The following TBX2 variants were observed in gnomAD, a reference collection of about 807,000 sequenced individuals.
TBX2 encodes T-box transcription factor 2.
Under a neutral mutation model 48.4 loss-of-function variants are expected in TBX2, and 19 were observed. That is an observed-to-expected ratio of 0.39 (90% CI 0.27 to 0.58). The LOEUF is 0.58. Ranked by LOEUF, TBX2 falls within the 20% of genes least tolerant of loss-of-function variation. TBX2 has a pLI of 0.54. For synonymous variants in TBX2, 522 were observed against 459.7 expected (o/e 1.14, Z -1.73); for missense variants, 994 against 1,006.5 (o/e 0.99, Z 0.17).
rs141022651 is a variant in TBX2 at position 61,406,393 on chromosome 17, G to C, written c.1686+557G>C. The C allele has an allele frequency of 1.3e-5, 2 of 152,234 alleles. No individual in the cohort carries two copies. The highest frequency in any genetic ancestry group is 4.8e-5 in the African/African-American group (2 of 41,404). The allele number at this position is 152,234 out of a possible 1,614,324, so 9.4% of individuals were successfully genotyped here. A position where few individuals can be genotyped will look rare whatever the true frequency, so the allele number is the denominator to read the frequency against. The stretch of plus-strand genomic sequence containing the variant: ...GTCCTCTGTCCTGGTGAAGGACAAG[G>C]CTGGTCTTTCCCCTACCTTGAGTTC... On this transcript the variant is annotated intron_variant, in intron 6 of 6. Transcript: ENST00000240328. The surrounding 1 kb of genome is among the most constrained non-coding windows in gnomAD (Gnocchi z 5.7).
chr17:61,404,939 G>A (rs8080990), intron 5 of TBX2, 170 bp downstream of exon 5: 2 of 1,253,672 alleles, frequency 1.6e-6, no homozygotes, highest in Admixed American at 2.0e-5. Flanking sequence ...GGCGGTCCCC[G>A]GTAGCCAGAA....
In TBX2 at chr17:61,401,859, G is replaced by C. The variant is rs1473859474; in HGVS notation, c.571G>C (p.Asp191His). The C allele has an allele frequency of 1.2e-6, 2 of 1,612,934 alleles. No individual in the cohort carries two copies. The highest frequency in any genetic ancestry group is 1.7e-6 in the Non-Finnish European group (2 of 1,180,032). ...GCCCAAACGCATGTACATCCACCCA[G>C]ACAGCCCAGCCACGGGGGAGCAGTG... is the stretch of plus-strand genomic sequence containing the variant. ...EMPKRMYIHP[D>H]SPATGEQWMA... Residue 191 changes from aspartate (D) to histidine (H), a missense_variant, in exon 2 of 7, where the codon GAC becomes CAC. Asp to His is a moderately conservative substitution (Grantham distance 81). Transcript: ENST00000240328.
rs761134753 is a variant in TBX2 at position 61,408,503 on chromosome 17, G to C, written c.2136G>C (p.Lys712Asn). Residue 712 changes from lysine to asparagine, a missense_variant, in exon 7 of 7, where the codon AAG (lysine) becomes AAC (asparagine). This residue lies in a region of TBX2 where 639 missense variants were observed against 613.2 expected (regional missense o/e 1.04). Transcript: ENST00000240328. ...RALSPGRESP[K>N] ...TCTCCCCAGGCCGGGAGTCGCCCAA[G>C]TGAGGGGCTGCCCAGCTGCTCCCCT... is the stretch of plus-strand genomic sequence containing the variant. 117 of 1,440,784 alleles carry C rather than the reference G, an allele frequency of 8.1e-5. No homozygotes were observed. The highest frequency in any genetic ancestry group is 7.8e-5 in the Non-Finnish European group (86 of 1,097,444). The allele number at this position is 1,440,784 out of a possible 1,614,324, so 89.2% of individuals were successfully genotyped here.
chr17:61,403,404 G>A lies in TBX2; in HGVS notation c.810+197G>A, dbSNP rs916644330. On this transcript the variant is annotated intron_variant, in intron 3 of 6. Coordinates refer to ENST00000240328, the MANE Select transcript of TBX2 (RefSeq NM_005994.4). This position sits in a 1 kb window ranked among gnomAD's most constrained non-coding sequence, Gnocchi z 5.8. ...CAAGGCGCCCTCTCAATCCCACCGC[G>A]CGCACACACAGGCTCCCCTGGGGCG... is the stretch of plus-strand genomic sequence containing the variant. Among the ~76,000 whole-genome samples, 1 of 152,262 alleles carries A rather than the reference G, an allele frequency of 6.6e-6. No homozygotes were observed. The highest frequency in any genetic ancestry group is 2.4e-5 in the African/African-American group (1 of 41,478).
chr17:61,407,140 C>T (rs563624078), intron 6 of TBX2: 1 of 152,348 alleles, frequency 6.6e-6, no homozygotes, highest in South Asian at 2.1e-4. Flanking sequence ...CCCAAGAGAA[C>T]TGAAGCCTCC....
rs1384423721 is a variant in TBX2, at chr17:61,403,342, G to A, written c.810+135G>A. ...CTTGCGGCCCGCCCCCGAGCACCGA[G>A]CCTCGCATCCATACGCGCAGCACTC... On this transcript the variant is annotated intron_variant, in intron 3 of 6. Transcript: ENST00000240328. The surrounding 1 kb of genome is among the most constrained non-coding windows in gnomAD (Gnocchi z 5.8). 2 of 1,389,550 alleles carry A rather than the reference G, an allele frequency of 1.4e-6. No individual in the cohort carries two copies. Among genetic ancestry groups the A allele is most frequent in the Non-Finnish European group, 1.9e-6 (2 of 1,041,240 alleles). The allele number at this position is 1,389,550 out of a possible 1,614,324, so 86.1% of individuals were successfully genotyped here.
intron 2 of TBX2, among the ~76,000 whole-genome samples, chr17:61,402,574 T>C (rs2143728115): frequency 6.6e-6 from 1 of 152,096 alleles, no homozygotes; most frequent in East Asian, 1.9e-4. Context: ...CATTCTGAGG[T>C]AGGGCAGTTG....
Position 61,405,444 on chromosome 17 carries a change from A to G in TBX2, c.1294A>G (p.Lys432Glu). ...LEKERAEARR[K>E]DEGRKEAAEG... ...GAAGGAGCGCGCCGAAGCTCGGAGG[A>G]AGGACGAGGGGCGCAAGGAGGCGGC... The change falls in exon 6 of 7, where the codon AAG becomes GAG. Residue 432 changes from lysine (K) to glutamate (E), a missense_variant. This residue lies in a region of TBX2 where 639 missense variants were observed against 613.2 expected (regional missense o/e 1.04). Transcript: ENST00000240328. The G allele has an allele frequency of 6.4e-7, 1 of 1,566,818 alleles. No individual in the cohort carries two copies. Among genetic ancestry groups the G allele is most frequent in the East Asian group, 2.3e-5 (1 of 43,352 alleles).
Position 61,405,412 on chromosome 17 carries a change from G to T in TBX2, c.1262G>T (p.Ser421Ile), listed in dbSNP as rs766443447. The T allele has an allele frequency of 1.9e-6, 3 of 1,545,646 alleles. No individual in the cohort carries two copies. The East Asian group carries it at 7.1e-5, about 37-fold the overall frequency. ...GGGGACGGCCCGTTCGGCCTGAGGA[G>T]CCTGGAGAAGGAGCGCGCCGAAGCT... is the stretch of plus-strand genomic sequence containing the variant. ...SGGDGPFGLR[S>I]LEKERAEARR... is the part of the protein sequence containing the mutation. Residue 421 changes from serine (S) to isoleucine (I), a missense_variant, in exon 6 of 7, where the codon AGC becomes ATC. By Grantham distance (142) the Ser-to-Ile change is moderately radical (BLOSUM62 -2). Around this residue, in one of 5 missense-constraint regions of TBX2, gnomAD observed 639 missense variants for 613.2 expected, o/e 1.04. Transcript: ENST00000240328.
Position 61,409,210 on chromosome 17 carries a change from A to T in TBX2, c.*704A>T, listed in dbSNP as rs1412176853. 1 of 152,632 alleles carries T rather than the reference A, an allele frequency of 6.6e-6. No homozygotes were observed. The highest frequency in any genetic ancestry group is 2.4e-5 in the African/African-American group (1 of 41,458). 9.5% of individuals were successfully genotyped at this position (152,632 alleles called of 1,614,324 possible). ...TGTACATATATTTAGAGATTAACTC[A>T]TACATTTAAAGTTTTTTTCATTTTA... On this transcript the variant is annotated 3_prime_UTR_variant, in exon 7 of 7. Coordinates refer to ENST00000240328, the MANE Select transcript of TBX2 (RefSeq NM_005994.4).
rs2060260063 is a variant in TBX2, at chr17:61,400,535, A to G, written c.359A>G (p.Lys120Arg). ...EAKELWDQFHKLGTEMVITKS... is the reference protein window; with the variant it reads ...EAKELWDQFHRLGTEMVITKS... ...AAGGAGCTGTGGGACCAGTTCCACA[A>G]GCTAGGCACGGAGATGGTCATCACC... is the stretch of plus-strand genomic sequence containing the variant. The change falls in exon 1 of 7, where the codon AAG becomes AGG. Residue 120 changes from lysine to arginine, a missense_variant. Transcript: ENST00000240328. This position sits in a 1 kb window ranked among gnomAD's most constrained non-coding sequence, Gnocchi z 9.2. 2 of 1,584,722 alleles carry G rather than the reference A, an allele frequency of 1.3e-6. No homozygotes were observed. The highest frequency in any genetic ancestry group is 1.7e-6 in the Non-Finnish European group (2 of 1,165,998).
intron 2 of TBX2, among the ~76,000 whole-genome samples, chr17:61,402,762 G>A (rs923999764): frequency 8.6e-5 from 13 of 151,476 alleles, no homozygotes; most frequent in Admixed American, 2.6e-4. Context: ...TTTTTGTTTT[G>A]TTTTGTTTTT....
chr17:61,405,172 C>T, intron 5 of TBX2, 30 bp from the exon 6 acceptor site: 1 of 1,470,978 alleles, frequency 6.8e-7, no homozygotes, highest in Non-Finnish European at 9.0e-7. Flanking sequence ...CCGCCCAGGC[C>T]CCTGTAATCC....
At chr17:61,401,365 T>G (rs929299533) in intron 1 of TBX2, among the ~76,000 whole-genome samples, 2 of 152,186 alleles carry the variant, frequency 1.3e-5, no homozygotes, top group Non-Finnish European at 2.9e-5. Context: ...CGAGAATATT[T>G]CTAGAGGGCC....
In TBX2 at chr17:61,408,453, A is replaced by G; in HGVS notation, c.2086A>G (p.Ser696Gly). 3 of 1,474,478 alleles carry G rather than the reference A, an allele frequency of 2.0e-6. No homozygotes were observed. Among genetic ancestry groups the G allele is most frequent in the Middle Eastern group, 3.9e-4 (2 of 5,124 alleles). The allele number at this position is 1,474,478 out of a possible 1,614,324, so 91.3% of individuals were successfully genotyped here. ...NELQSIQRLV[S>G]GLESQRALSP... is the part of the protein sequence containing the mutation. ...ACTGCAGAGCATCCAGAGACTGGTG[A>G]GTGGGCTGGAGAGCCAGCGAGCCCT... The change falls in exon 7 of 7, where the codon AGT becomes GGT. Residue 696 changes from serine to glycine, a missense_variant. This residue lies in a region of TBX2 where 639 missense variants were observed against 613.2 expected (regional missense o/e 1.04). Transcript: ENST00000240328.
rs764623072 is a variant in TBX2 at position 61,408,250 on chromosome 17, T to A, written c.1883T>A (p.Val628Asp). Residue 628 changes from valine to aspartate, a missense_variant, in exon 7 of 7, where the codon GTC becomes GAC. Around this residue, in one of 5 missense-constraint regions of TBX2, gnomAD observed 639 missense variants for 613.2 expected, o/e 1.04. Coordinates refer to ENST00000240328, the MANE Select transcript of TBX2 (RefSeq NM_005994.4). ...CGTTTCAGCCCCTATCAGATCCCGG[T>A]CACCATCCCGCCTAGCACTAGCCTC... ...RLRFSPYQIPVTIPPSTSLLT... is the reference protein window; with the variant it reads ...RLRFSPYQIPDTIPPSTSLLT... 7 of 1,612,802 alleles carry A rather than the reference T, an allele frequency of 4.3e-6. No individual in the cohort carries two copies. In the Admixed American group the frequency reaches 1.2e-4, roughly 27 times the overall value.
chr17:61,404,730 G>A lies in TBX2; in HGVS notation c.1012G>A (p.Gly338Ser), dbSNP rs1456426459. 3 of 1,553,672 alleles carry A rather than the reference G, an allele frequency of 1.9e-6. No individual in the cohort carries two copies. Among genetic ancestry groups the A allele is most frequent in the Non-Finnish European group, 2.6e-6 (3 of 1,150,724 alleles). The part of the protein sequence containing the change: ...PPAREPPTSP[G>S]AAPSPLRLHR... ...CGCGCGGGAACCACCCACCTCCCCG[G>A]GCGCAGCGCCCAGTCCGCTGCGCCT... Residue 338 changes from glycine (G) to serine (S), a missense_variant, in exon 5 of 7, where the codon GGC (glycine) becomes AGC (serine). Transcript: ENST00000240328.
chr17:61,404,926 G>A, intron 5 of TBX2, 157 bp downstream of exon 5: 2 of 1,278,138 alleles, frequency 1.6e-6, no homozygotes, highest in Non-Finnish European at 1.1e-6. Context: ...ACTCCCCTAC[G>A]AGGGCGGTCC....
chr17:61,407,833 C>G (rs1603241985), intron 6 of TBX2: 2 of 564,814 alleles, frequency 3.5e-6, no homozygotes, highest in East Asian at 6.3e-5. Flanking sequence ...TGATGGCAGG[C>G]CTTTGCATGG....
Sources: gnomAD v4.1 joint callset for allele counts (sites outside exome capture counted in the v4.1 genomes callset) on GRCh38, gnomAD v4.1.1 for gene constraint, gnomAD v4.1.1 regional missense constraint, Gnocchi (gnomAD v3.1) non-coding constraint, MANE v1.5 for transcripts, NCBI Gene and HGNC (gene_info 2026-07-23, HGNC 2026-07-21) for gene names.